VPS8: variants seen among roughly 807,000 people sequenced by gnomAD.
The protein encoded by VPS8 is vacuolar protein sorting-associated protein 8 homolog.
A neutral mutation model predicts 216.4 loss-of-function variants in VPS8; 129 were observed. That is an observed-to-expected ratio of 0.60 (90% CI 0.52 to 0.69). The LOEUF (loss-of-function observed/expected upper bound fraction) is 0.69, where lower values mean the gene tolerates loss of function less well. Among genes scored for constraint, VPS8 ranks in the 30% least tolerant of loss-of-function variants. VPS8 has a pLI of 0.00. For synonymous variants in VPS8, 571 were observed against 565.4 expected (o/e 1.01, Z -0.14); for missense variants, 1,531 against 1,683.5 (o/e 0.91, Z 1.59).
At chr3:184,975,755 A>G (rs1050783508) in intron 40 of VPS8, among the ~76,000 whole-genome samples, 6 of 152,152 alleles carry the variant, frequency 3.9e-5, no homozygotes, top group Non-Finnish European at 8.8e-5. Flanking sequence ...GATTTGTATC[A>G]TGAAGAGATG....
At chr3:184,964,809 T>C (rs1747118241) in intron 38 of VPS8, among the ~76,000 whole-genome samples, 1 of 152,222 alleles carries the variant, frequency 6.6e-6, no homozygotes, top group African/African-American at 2.4e-5. Flanking sequence ...TTTTTATATA[T>C]ATACCACAAT....
rs769762638 is a variant in VPS8, at chr3:184,886,121, T to C, written c.1746T>C (p.Pro582=). The change falls in exon 22 of 48, where the codon CCT becomes CCC. Residue 582 remains proline, a synonymous_variant. Transcript: ENST00000625842. The stretch of plus-strand genomic sequence containing the variant: ...TGGTTCCTCTACAGGATATGGTGCC[T>C]GTCATAGTTGATTACTGCCTTCTGC... ...VMEQHFQDMV[P]VIVDYCLLLQ... 1 of 1,609,660 alleles carries C rather than the reference T, an allele frequency of 6.2e-7. No individual in the cohort carries two copies. The highest frequency in any genetic ancestry group is 8.5e-7 in the Non-Finnish European group (1 of 1,177,948).
chr3:184,982,491 TGTTA>T (rs1034710848), intron 40 of VPS8, 71 bp from the exon 41 acceptor site: 11 of 1,023,248 alleles, frequency 1.1e-5, no homozygotes, highest in South Asian at 5.6e-5. Context: ...ATCATGCTGA[TGTTA>T]GTTATTCTTT....
At chr3:185,051,761 G>T in intron 47 of VPS8, 115 bp from the exon 48 acceptor site, 1 of 1,274,364 alleles carries the variant, frequency 7.8e-7, no homozygotes. Flanking sequence ...AACCCTGCAT[G>T]TTACTACTCC....
intron 46 of VPS8, 133 bp downstream of exon 46, chr3:185,024,522 C>T: frequency 9.6e-7 from 1 of 1,046,068 alleles, no homozygotes. Flanking sequence ...TGATTAGATG[C>T]TTTAATGACA....
chr3:184,823,046 T>A (rs974848013), intron 1 of VPS8, among the ~76,000 whole-genome samples: 1 of 152,332 alleles, frequency 6.6e-6, no homozygotes, highest in East Asian at 1.9e-4. Context: ...GTTTCATAAG[T>A]CCATGATTTA....
chr3:184,915,300 A>G, intron 27 of VPS8, 55 bp from the exon 28 acceptor site: 1 of 1,574,456 alleles, frequency 6.4e-7, no homozygotes, highest in Non-Finnish European at 8.6e-7. Context: ...TCACTGCTTC[A>G]GCAAGATACT....
At chr3:184,836,947 C>CTT (rs946439974) in intron 5 of VPS8, among the ~76,000 whole-genome samples, 5 of 151,788 alleles carry the variant, frequency 3.3e-5, no homozygotes, top group Admixed American at 3.3e-4. Context: ...TTTTAAGGAT[C>CTT]TTTATTATTT....
At chr3:184,964,444 A>T in intron 37 of VPS8, 24 bp from the exon 38 acceptor site, 1 of 1,409,324 alleles carries the variant, frequency 7.1e-7, no homozygotes, top group South Asian at 1.5e-5. Context: ...GTGAATAAAA[A>T]TATTTATCTT....
At chr3:184,835,059 T>G in intron 5 of VPS8, 1 of 202,910 alleles carries the variant, frequency 4.9e-6, no homozygotes, top group Non-Finnish European at 9.8e-6. Context: ...GTCTTGTGTA[T>G]TTGTTGAGAT....
intron 45 of VPS8, among the ~76,000 whole-genome samples, chr3:185,012,983 A>G (rs1755252616): frequency 6.6e-6 from 1 of 150,800 alleles, no homozygotes; most frequent in Non-Finnish European, 1.5e-5. Flanking sequence ...GGAAATAACT[A>G]AAAGCATTTC....
intron 14 of VPS8, among the ~76,000 whole-genome samples, chr3:184,858,262 C>T (rs1725650326): frequency 6.6e-6 from 1 of 152,100 alleles, no homozygotes; most frequent in African/African-American, 2.4e-5. Flanking sequence ...GATTGACACT[C>T]AAGGTCCTTT....
chr3:185,050,298 G>A (rs11918478), intron 47 of VPS8, among the ~76,000 whole-genome samples: 72,576 of 151,510 alleles, frequency 0.48, 17,658 homozygotes, highest in East Asian at 0.67. Flanking sequence ...GAAGTGGCAC[G>A]AAGTGGACTC....
At chr3:184,897,605 G>A (rs1443938848) in intron 23 of VPS8, among the ~76,000 whole-genome samples, 1 of 152,148 alleles carries the variant, frequency 6.6e-6, no homozygotes, top group Non-Finnish European at 1.5e-5. Context: ...AGAGATGCAT[G>A]ATCATGGTAC....
intron 42 of VPS8, among the ~76,000 whole-genome samples, chr3:184,989,838 C>G (rs183881698): frequency 6.6e-6 from 1 of 151,840 alleles, no homozygotes; most frequent in East Asian, 1.9e-4. Flanking sequence ...TTTGGGAGGC[C>G]GAGGCGGGCA....
intron 40 of VPS8, among the ~76,000 whole-genome samples, chr3:184,972,247 C>T (rs1748550170): frequency 6.6e-6 from 1 of 152,194 alleles, no homozygotes; most frequent in African/African-American, 2.4e-5. Flanking sequence ...TTTGTTCTCA[C>T]CAAAGGCTTT....
chr3:184,823,303 A>T (rs916671194), intron 1 of VPS8, among the ~76,000 whole-genome samples: 1 of 152,334 alleles, frequency 6.6e-6, no homozygotes, highest in East Asian at 1.9e-4. Context: ...GCTTGAGCCC[A>T]AGAGTTGGAG....
chr3:184,854,316 A>G (rs539884636), intron 13 of VPS8, 143 bp downstream of exon 13: 1 of 895,084 alleles, frequency 1.1e-6, no homozygotes, highest in Non-Finnish European at 1.7e-6. Flanking sequence ...CGTTGGCTGG[A>G]CTTGCCTTAA....
intron 42 of VPS8, among the ~76,000 whole-genome samples, chr3:184,986,106 C>A (rs140195330): frequency 2.6e-3 from 393 of 151,896 alleles, no homozygotes; most frequent in African/African-American, 9.2e-3. Flanking sequence ...CAAAGGAGTA[C>A]CAATAAAAGT....
Sources: gnomAD v4.1 joint callset for allele counts (sites outside exome capture counted in the v4.1 genomes callset) on GRCh38, gnomAD v4.1.1 for gene constraint, MANE v1.5 for transcripts, NCBI Gene and HGNC (gene_info 2026-07-23, HGNC 2026-07-21) for gene names.